RMND1: variants seen among roughly 807,000 people sequenced by gnomAD.
The protein encoded by RMND1 is required for meiotic nuclear division protein 1 homolog.
In RMND1, 41 loss-of-function variants were observed where a neutral mutation model predicts 54.0. The observed-to-expected ratio is 0.76, with a 90% CI of 0.59 to 0.98. The LOEUF (loss-of-function observed/expected upper bound fraction) is 0.98, where lower values mean the gene tolerates loss of function less well. Ranked by LOEUF, RMND1 falls within the 50% of genes least tolerant of loss-of-function variation. The pLI, the probability that RMND1 is intolerant of heterozygous loss-of-function variation, is 0.00. For missense variants in RMND1, 457 were observed against 532.0 expected (o/e 0.86, Z 1.39); for synonymous variants, 183 against 181.7 (o/e 1.01, Z -0.06).
At chr6:151,449,571 A>G (rs1436979702) in intron 1 of RMND1, among the ~76,000 whole-genome samples, 1 of 152,006 alleles carries the variant, frequency 6.6e-6, no homozygotes, top group Non-Finnish European at 1.5e-5. Context: ...GATGTTTGCT[A>G]AAATGTCTTC....
At chr6:151,408,129 T>C (rs1022392669) in intron 10 of RMND1, among the ~76,000 whole-genome samples, 2 of 151,850 alleles carry the variant, frequency 1.3e-5, no homozygotes, top group Admixed American at 1.3e-4. Flanking sequence ...ATGTCAAGCA[T>C]AGGAAACAGC....
At chr6:151,421,452 C>T in intron 8 of RMND1, 131 bp from the exon 9 acceptor site, 1 of 598,584 alleles carries the variant, frequency 1.7e-6, no homozygotes, top group East Asian at 2.9e-5. Flanking sequence ...ATGGCTGTCT[C>T]CCAGATTAAT....
chr6:151,440,068 C>T (rs868299446), intron 2 of RMND1, among the ~76,000 whole-genome samples: 4 of 151,930 alleles, frequency 2.6e-5, no homozygotes, highest in African/African-American at 9.7e-5. Context: ...GTGATTATCC[C>T]GCCTCAACCT....
intron 5 of RMND1, among the ~76,000 whole-genome samples, chr6:151,429,123 C>CTTTTTT (rs528642361): frequency 7.1e-6 from 1 of 140,042 alleles, no homozygotes; most frequent in African/African-American, 2.6e-5. Context: ...TTGTAACCCG[C>CTTTTTT]TTTTTTTTTT....
At chr6:151,408,555 T>A (rs2114913925) in intron 10 of RMND1, 1 of 152,214 alleles carries the variant, frequency 6.6e-6, no homozygotes, top group African/African-American at 2.4e-5. Flanking sequence ...CCAAAGAGAT[T>A]TATGTCCTAA....
chr6:151,409,163 C>CAA (rs1356294703), intron 10 of RMND1, among the ~76,000 whole-genome samples: 5 of 152,106 alleles, frequency 3.3e-5, no homozygotes, highest in Non-Finnish European at 7.4e-5. Flanking sequence ...AGGAATCAGA[C>CAA]AAGTCCAGGT....
chr6:151,422,568 A>G lies in RMND1; in HGVS notation c.975T>C (p.Phe325=), dbSNP rs201009342. The G allele has an allele frequency of 1.1e-5, 17 of 1,541,804 alleles. No individual in the cohort carries two copies. Among genetic ancestry groups the G allele is most frequent in the Non-Finnish European group, 1.3e-5 (15 of 1,135,202 alleles). Residue 325 remains phenylalanine, a synonymous_variant, in exon 8 of 12, where the codon TTT becomes TTC. Coordinates refer to ENST00000444024, the MANE Select transcript of RMND1 (RefSeq NM_017909.4). ...LAIWEASLDK[F]IESIQSIPEA... ...CAGGAATTGACTGAATAGATTCAAT[A>G]AATTTATCCAGTGATGCTTCCCAAA...
At position 151,410,814 on chromosome 6, in the gene RMND1, C is replaced by T. The variant is rs13208602; in HGVS notation, c.1201-4978G>A. Among the ~76,000 whole-genome samples the T allele has an allele frequency of 2.5e-3, 379 of 152,112 alleles. 1 individual carries two copies. The highest frequency in any genetic ancestry group is 9.3e-3 in the East Asian group (48 of 5,174). ...TATTTGCAGTATAACGAAAGATAAC[C>T]GTTTTTATACATTGATCTTGAGACC... On this transcript the variant is annotated intron_variant, in intron 10 of 11. Transcript: ENST00000444024.
chr6:151,406,887 C>A (rs181206945), intron 10 of RMND1, among the ~76,000 whole-genome samples: 10 of 151,974 alleles, frequency 6.6e-5, no homozygotes, highest in Non-Finnish European at 1.3e-4. Context: ...AGGCTGGGCT[C>A]GGTGGCTTAT....
chr6:151,444,081 T>C (rs1429772683), intron 2 of RMND1, among the ~76,000 whole-genome samples: 1 of 152,176 alleles, frequency 6.6e-6, no homozygotes, highest in Non-Finnish European at 1.5e-5. Flanking sequence ...TTTAGGAAAA[T>C]TGCTTCCAAG....
At chr6:151,450,695 G>C (rs1185291330) in intron 1 of RMND1, among the ~76,000 whole-genome samples, 1 of 151,962 alleles carries the variant, frequency 6.6e-6, no homozygotes, top group African/African-American at 2.4e-5. Flanking sequence ...CCCCGTCTGG[G>C]AGGTGTACTC....
chr6:151,445,870 T>A, intron 1 of RMND1, 45 bp from the exon 2 acceptor site: 1 of 1,439,892 alleles, frequency 6.9e-7, no homozygotes, highest in Non-Finnish European at 9.2e-7. Flanking sequence ...AATTAATGTT[T>A]AAAACATATA....
At chr6:151,440,731 C>T (rs754838191) in intron 2 of RMND1, among the ~76,000 whole-genome samples, 3 of 152,106 alleles carry the variant, frequency 2.0e-5, no homozygotes, top group Non-Finnish European at 2.9e-5. Flanking sequence ...ATGAACTTGA[C>T]GTTTTAGACA....
At position 151,445,443 on chromosome 6, in the gene RMND1, T is replaced by C. The variant is rs767837931; in HGVS notation, c.369A>G (p.Leu123=). The C allele has an allele frequency of 4.1e-5, 66 of 1,614,208 alleles. No homozygotes were observed. Among genetic ancestry groups the C allele is most frequent in the Non-Finnish European group, 5.3e-5 (63 of 1,180,024 alleles). ...TTGATACAGATGAGAAATGCCTCTT[T>C]AATATTTTTATAAACCATTTAGAAC... The part of the protein sequence containing the change: ...LLGSKWFIKI[L]KRHFSSVSTE... The change falls in exon 2 of 12, where the codon TTA becomes TTG. Residue 123 remains leucine (L), a synonymous_variant. Transcript: ENST00000444024.
At position 151,410,140 on chromosome 6, in the gene RMND1, T is replaced by C. The variant is rs899380978; in HGVS notation, c.1201-4304A>G. Reference sequence around the variant, plus strand: ...CACAATCTCCGCTCACTGCAAGCTCTCCCTCCCGGGTTCACGCCATTCTCC... The same window carrying C: ...CACAATCTCCGCTCACTGCAAGCTCCCCCTCCCGGGTTCACGCCATTCTCC... On this transcript the variant is annotated intron_variant, in intron 10 of 11. Transcript: ENST00000444024. Among the ~76,000 whole-genome samples the C allele has an allele frequency of 1.7e-4, 25 of 151,388 alleles. 1 individual carries two copies. Among genetic ancestry groups the C allele is most frequent in the South Asian group, 8.4e-4 (4 of 4,772 alleles).
intron 5 of RMND1, 116 bp downstream of exon 5, chr6:151,430,022 C>A: frequency 1.5e-6 from 1 of 663,452 alleles, no homozygotes; most frequent in South Asian, 1.9e-5. Context: ...TAATGCAGAG[C>A]AAATAAGTTG....
chr6:151,447,565 C>T (rs6903363), intron 1 of RMND1, among the ~76,000 whole-genome samples: 13,339 of 152,174 alleles, frequency 0.088, 1,717 homozygotes, highest in African/African-American at 0.28. Flanking sequence ...CTTGTATTTA[C>T]TACCTCTCTT....
chr6:151,430,214 G>A lies in RMND1; in HGVS notation c.690-37C>T, dbSNP rs766956445. 15 of 1,422,004 alleles carry A rather than the reference G, an allele frequency of 1.1e-5. No homozygotes were observed. The African/African-American group carries it at 1.1e-4, about 11-fold the overall frequency. 88.1% of individuals were successfully genotyped at this position (1,422,004 alleles called of 1,614,324 possible). A position where few individuals can be genotyped will look rare whatever the true frequency, so the allele number is the denominator to read the frequency against. Reference sequence around the variant, plus strand: ...AAATAAAAGAAACAACTAAGATACAGATGGAATACATTCTTTAGGGTCGTA... The same window carrying A: ...AAATAAAAGAAACAACTAAGATACAAATGGAATACATTCTTTAGGGTCGTA... On this transcript the variant is annotated intron_variant, in intron 4 of 11. Transcript: ENST00000444024.
At chr6:151,424,653 T>C (rs1311754811) in intron 6 of RMND1, among the ~76,000 whole-genome samples, 2 of 152,150 alleles carry the variant, frequency 1.3e-5, no homozygotes, top group African/African-American at 2.4e-5. Context: ...TATAAAACTA[T>C]ATATGGAGTG....
Sources: gnomAD v4.1 joint callset for allele counts (sites outside exome capture counted in the v4.1 genomes callset) on GRCh38, gnomAD v4.1.1 for gene constraint, MANE v1.5 for transcripts, NCBI Gene and HGNC (gene_info 2026-07-23, HGNC 2026-07-21) for gene names.